LHFPL2: variants seen among roughly 807,000 people sequenced by gnomAD.
LHFPL2 encodes LHFPL tetraspan subfamily member 2.
LHFPL2 carries 7 observed loss-of-function variants against 17.5 expected under a neutral mutation model. The ratio of observed to expected loss-of-function variants is 0.40; its 90% confidence interval spans 0.23 to 0.75. The LOEUF is 0.75. LHFPL2 is among the 30% of genes least tolerant of loss of function. The probability of loss-of-function intolerance (pLI) is 0.37; values close to 1 mark genes in which losing one functional copy is unlikely to be tolerated. For missense variants in LHFPL2, 241 were observed against 294.8 expected (o/e 0.82, Z 1.34); for synonymous variants, 134 against 116.2 (o/e 1.15, Z -0.99).
intron 2 of LHFPL2, among the ~76,000 whole-genome samples, chr5:78,584,888 TGCCGCCTTGCAGTTTGATCTCTGACTGC>T: frequency 6.6e-6 from 1 of 151,846 alleles, no homozygotes; most frequent in Admixed American, 6.6e-5. Flanking sequence ...CCAGCCTCGC[TGCCGCCTTGCAGTTTGATCTCTGACTGC>T]TGTGCTAGCA....
intron 3 of LHFPL2, among the ~76,000 whole-genome samples, chr5:78,529,824 G>T (rs563320394): frequency 6.2e-4 from 95 of 152,188 alleles, no homozygotes; most frequent in African/African-American, 2.2e-3. Flanking sequence ...AAAGCATCAG[G>T]GTGTGAATCA....
intron 2 of LHFPL2, among the ~76,000 whole-genome samples, chr5:78,598,661 C>T (rs1383243856): frequency 6.6e-6 from 1 of 152,144 alleles, no homozygotes; most frequent in Non-Finnish European, 1.5e-5. Context: ...TCAAGACAAC[C>T]TTACAATGGG....
intron 4 of LHFPL2, among the ~76,000 whole-genome samples, chr5:78,505,335 C>T (rs1482477614): frequency 6.6e-6 from 1 of 152,152 alleles, no homozygotes; most frequent in Admixed American, 6.5e-5. Flanking sequence ...GACAAGTTCT[C>T]ACCTCATGAA....
At chr5:78,540,585 G>T (rs1756081721) in intron 3 of LHFPL2, among the ~76,000 whole-genome samples, 1 of 152,224 alleles carries the variant, frequency 6.6e-6, no homozygotes, top group African/African-American at 2.4e-5. Context: ...GTGATGGTAG[G>T]TCTCTGAGAT....
intron 2 of LHFPL2, among the ~76,000 whole-genome samples, chr5:78,621,454 ACT>A (rs774594959): frequency 1.1e-4 from 17 of 151,258 alleles, no homozygotes; most frequent in Non-Finnish European, 2.4e-4. Context: ...TTGCAGTAAT[ACT>A]CTCTCTCACA....
intron 4 of LHFPL2, among the ~76,000 whole-genome samples, chr5:78,506,893 T>C (rs1754947484): frequency 6.6e-6 from 1 of 152,188 alleles, no homozygotes; most frequent in Non-Finnish European, 1.5e-5. Context: ...TTTGAGATGC[T>C]GCATAAGTAA....
chr5:78,508,165 TA>T (rs1218371355), intron 4 of LHFPL2, among the ~76,000 whole-genome samples: 1 of 152,106 alleles, frequency 6.6e-6, no homozygotes, highest in Non-Finnish European at 1.5e-5. Flanking sequence ...ACTCTAAGCC[TA>T]AAAAGTCCAA....
At chr5:78,597,004 A>G (rs1743848600) in intron 2 of LHFPL2, among the ~76,000 whole-genome samples, 1 of 152,232 alleles carries the variant, frequency 6.6e-6, no homozygotes, top group Non-Finnish European at 1.5e-5. Context: ...AGTAATATTT[A>G]ACACACCAAA....
intron 3 of LHFPL2, among the ~76,000 whole-genome samples, chr5:78,538,719 C>T (rs1756019761): frequency 6.6e-6 from 1 of 152,220 alleles, no homozygotes; most frequent in African/African-American, 2.4e-5. Context: ...GAAGCCACAC[C>T]TGCACGGGCA....
intron 2 of LHFPL2, among the ~76,000 whole-genome samples, chr5:78,570,410 T>C (rs746654304): frequency 1.3e-5 from 2 of 151,948 alleles, no homozygotes; most frequent in Non-Finnish European, 2.9e-5. Context: ...AGTGATGCTG[T>C]CCAAGGCAGG....
rs897203950 is a variant in LHFPL2 at position 78,565,308 on chromosome 5, C to T, written c.-244-437G>A. Among the ~76,000 whole-genome samples, 5 of 152,242 alleles carry T rather than the reference C, an allele frequency of 3.3e-5. No homozygotes were observed. The South Asian group carries it at 1.0e-3, about 32-fold the overall frequency. Reference sequence around the variant, plus strand: ...CAGCACTTTATATCCTTTTCAGTTACGCTGGTTAATGTTCTAAAGCTAAAT... The same window carrying T: ...CAGCACTTTATATCCTTTTCAGTTATGCTGGTTAATGTTCTAAAGCTAAAT... On this transcript the variant is annotated intron_variant, in intron 2 of 4. Coordinates refer to ENST00000380345, the MANE Select transcript of LHFPL2 (RefSeq NM_005779.3).
intron 2 of LHFPL2, among the ~76,000 whole-genome samples, chr5:78,595,316 A>G (rs903449770): frequency 3.3e-5 from 5 of 152,244 alleles, no homozygotes; most frequent in African/African-American, 1.2e-4. Flanking sequence ...AATGAGTCAT[A>G]CTGGCTTGAA....
chr5:78,621,851 T>C (rs1459973732), intron 2 of LHFPL2, among the ~76,000 whole-genome samples: 3 of 152,068 alleles, frequency 2.0e-5, no homozygotes, highest in African/African-American at 4.8e-5. Context: ...TTTTACACAA[T>C]TTTTTGGCTT....
chr5:78,526,375 G>A (rs187293547), intron 3 of LHFPL2, among the ~76,000 whole-genome samples: 200 of 152,250 alleles, frequency 1.3e-3, no homozygotes, highest in Non-Finnish European at 2.2e-3. Context: ...GACTCATAGC[G>A]AATGCAACAT....
intron 3 of LHFPL2, 80 bp from the exon 4 acceptor site, chr5:78,510,478 C>T (rs556243157): frequency 4.3e-5 from 20 of 464,906 alleles, no homozygotes; most frequent in African/African-American, 3.6e-4. Flanking sequence ...CGTCCAAGTC[C>T]GGCCCGTGCC....
At chr5:78,527,131 C>A (rs1428538493) in intron 3 of LHFPL2, among the ~76,000 whole-genome samples, 1 of 152,170 alleles carries the variant, frequency 6.6e-6, no homozygotes, top group Non-Finnish European at 1.5e-5. Flanking sequence ...AGTTCCCCGG[C>A]CAGCATTTTG....
intron 2 of LHFPL2, among the ~76,000 whole-genome samples, chr5:78,581,070 T>G (rs1241566448): frequency 2.3e-4 from 35 of 152,220 alleles, no homozygotes; most frequent in Admixed American, 1.6e-3. Context: ...CCCATCCCTT[T>G]TAAGTTGGAT....
intron 3 of LHFPL2, among the ~76,000 whole-genome samples, chr5:78,546,034 C>G (rs910432644): frequency 1.3e-5 from 2 of 152,176 alleles, no homozygotes; most frequent in Admixed American, 6.5e-5. Flanking sequence ...ATACCTTGGT[C>G]ATGTTACTTA....
At chr5:78,572,507 T>C (rs1757026727) in intron 2 of LHFPL2, among the ~76,000 whole-genome samples, 1 of 149,930 alleles carries the variant, frequency 6.7e-6, no homozygotes, top group Non-Finnish European at 1.5e-5. Context: ...TGTATATATA[T>C]ATATACACAC....
Sources: allele counts gnomAD v4.1 joint callset (sites outside exome capture counted in the v4.1 genomes callset), GRCh38; gene constraint gnomAD v4.1.1; transcripts MANE v1.5; gene names NCBI Gene and HGNC (gene_info 2026-07-23, HGNC 2026-07-21).